The following TSPAN7 variants were observed in gnomAD, a reference collection of about 807,000 sequenced individuals.
TSPAN7 encodes tetraspanin 7.
In TSPAN7, 1 loss-of-function variant was observed where a neutral mutation model predicts 17.6. The observed-to-expected ratio is 0.06, with a 90% CI of 0.02 to 0.27. TSPAN7 has a LOEUF of 0.27. Among genes scored for constraint, TSPAN7 ranks in the 10% least tolerant of loss-of-function variants. TSPAN7 has a pLI of 1.00. For missense variants in TSPAN7, 112 were observed against 201.7 expected (o/e 0.56, Z 2.69); for synonymous variants, 78 against 79.0 (o/e 0.99, Z 0.07).
intron 1 of TSPAN7, among the ~76,000 whole-genome samples, chrX:38,580,412 A>G (rs1187597535): frequency 8.9e-6 from 1 of 112,011 alleles, no homozygotes; most frequent in Non-Finnish European, 1.9e-5. Context: ...CTCTGTTCCT[A>G]GATGTTTTAT....
chrX:38,671,297 T>C (rs182836836), intron 2 of TSPAN7, 79 bp from the exon 3 acceptor site: 4 of 1,010,091 alleles, frequency 4.0e-6, no homozygotes, highest in Non-Finnish European at 5.6e-6. Flanking sequence ...TTCCCGCTGA[T>C]TGAAAGTAAC....
intron 1 of TSPAN7, among the ~76,000 whole-genome samples, chrX:38,655,342 G>GTTATT (rs1161336922): frequency 9.0e-6 from 1 of 110,845 alleles, no homozygotes; most frequent in East Asian, 2.8e-4. Flanking sequence ...TTACCTTAAA[G>GTTATT]TTATTTTTTT....
intron 2 of TSPAN7, among the ~76,000 whole-genome samples, 162 bp from the exon 3 acceptor site, chrX:38,671,214 G>T (rs763449987): frequency 5.0e-4 from 56 of 112,461 alleles, no homozygotes; most frequent in African/African-American, 1.8e-3. Context: ...TGAGGCTTAT[G>T]TGGGTAAATT....
chrX:38,599,305 G>A (rs1180463063), intron 1 of TSPAN7, among the ~76,000 whole-genome samples: 1 of 110,706 alleles, frequency 9.0e-6, no homozygotes, highest in Non-Finnish European at 1.9e-5. Context: ...GCCATGATGA[G>A]TCCTCATGAA....
intron 1 of TSPAN7, among the ~76,000 whole-genome samples, chrX:38,634,360 C>A (rs2069567717): frequency 1.8e-5 from 2 of 112,219 alleles, no homozygotes; most frequent in Non-Finnish European, 3.8e-5. Flanking sequence ...TGTATCATTC[C>A]ACAACTCATG....
chrX:38,596,445 C>A (rs189713996), intron 1 of TSPAN7, among the ~76,000 whole-genome samples: 80 of 111,922 alleles, frequency 7.1e-4, no homozygotes, highest in Non-Finnish European at 1.4e-3. Context: ...ATATGTGGAA[C>A]TGTTGATATT....
intron 1 of TSPAN7, among the ~76,000 whole-genome samples, chrX:38,578,034 T>C (rs1363998462): frequency 9.1e-6 from 1 of 110,106 alleles, no homozygotes; most frequent in Non-Finnish European, 1.9e-5. Flanking sequence ...GTGGGTATGA[T>C]TCCTAGCCAC....
chrX:38,634,916 G>T (rs779518084), intron 1 of TSPAN7, among the ~76,000 whole-genome samples: 1 of 109,481 alleles, frequency 9.1e-6, no homozygotes, highest in South Asian at 4.0e-4. Flanking sequence ...CCATGGTCAG[G>T]AGGGATCCAG....
At chrX:38,570,562 G>T (rs1411051870) in intron 1 of TSPAN7, 1 of 111,881 alleles carries the variant, frequency 8.9e-6, no homozygotes, top group African/African-American at 3.2e-5. Context: ...ACCTCAGAAG[G>T]TGCTGAAAAT....
At chrX:38,613,855 A>G (rs1405734483) in intron 1 of TSPAN7, among the ~76,000 whole-genome samples, 1 of 111,337 alleles carries the variant, frequency 9.0e-6, no homozygotes, top group Non-Finnish European at 1.9e-5. Flanking sequence ...GGGGAGCTAG[A>G]CATAACAGCT....
chrX:38,667,188 G>A (rs1258606430), intron 2 of TSPAN7, among the ~76,000 whole-genome samples: 1 of 111,609 alleles, frequency 9.0e-6, no homozygotes, highest in African/African-American at 3.3e-5. Flanking sequence ...AGTGCAGGGT[G>A]CATACTCTCA....
intron 1 of TSPAN7, among the ~76,000 whole-genome samples, chrX:38,647,843 T>C (rs1001365319): frequency 1.2e-4 from 14 of 112,211 alleles, no homozygotes; most frequent in African/African-American, 4.5e-4. Context: ...ATAATGTTAA[T>C]AAATTCATTG....
At chrX:38,600,972 A>G (rs1569305095) in intron 1 of TSPAN7, among the ~76,000 whole-genome samples, 2 of 111,755 alleles carry the variant, frequency 1.8e-5, no homozygotes, top group Non-Finnish European at 3.8e-5. Flanking sequence ...CCAAGGAATC[A>G]GCCAGCATTA....
intron 1 of TSPAN7, among the ~76,000 whole-genome samples, chrX:38,622,382 A>G (rs887440502): frequency 9.0e-6 from 1 of 111,522 alleles, no homozygotes; most frequent in Non-Finnish European, 1.9e-5. Context: ...CCCCATCTCT[A>G]TAAATGCTTT....
intron 1 of TSPAN7, among the ~76,000 whole-genome samples, chrX:38,574,374 A>AGATG (rs1468600656): frequency 1.8e-5 from 2 of 112,347 alleles, no homozygotes; most frequent in Non-Finnish European, 3.8e-5. Context: ...GAATTTGATA[A>AGATG]GATGGATGGA....
At chrX:38,578,817 C>T (rs775610065) in intron 1 of TSPAN7, among the ~76,000 whole-genome samples, 62 of 111,293 alleles carry the variant, frequency 5.6e-4, no homozygotes, top group Non-Finnish European at 9.4e-4. Context: ...GAGCTATCTA[C>T]AAATTACATA....
intron 5 of TSPAN7, 50 bp from the exon 6 acceptor site, chrX:38,681,154 C>A: frequency 9.3e-7 from 1 of 1,080,773 alleles, no homozygotes; most frequent in Non-Finnish European, 1.3e-6. Context: ...CATAGCCCAG[C>A]TTGGCCTGAG....
At chrX:38,674,674 A>G (rs1035748940) in intron 4 of TSPAN7, among the ~76,000 whole-genome samples, 1 of 111,594 alleles carries the variant, frequency 9.0e-6, no homozygotes, top group African/African-American at 3.3e-5. Context: ...CGATGTCTTC[A>G]GGCTGGGTGG....
chrX:38,625,405 G>T (rs1447584599), intron 1 of TSPAN7, among the ~76,000 whole-genome samples: 1 of 111,627 alleles, frequency 9.0e-6, no homozygotes, highest in Non-Finnish European at 1.9e-5. Context: ...GTGGTCAGGT[G>T]GCTGGGTTCT....
Sources: gnomAD v4.1 joint callset for allele counts (sites outside exome capture counted in the v4.1 genomes callset) on GRCh38, gnomAD v4.1.1 for gene constraint, MANE v1.5 for transcripts, NCBI Gene and HGNC (gene_info 2026-07-23, HGNC 2026-07-21) for gene names.